Variants in PTBP3 observed in about 807,000 individuals in gnomAD.
The protein encoded by PTBP3 is polypyrimidine tract binding protein 3.
PTBP3 carries 20 observed loss-of-function variants against 58.7 expected under a neutral mutation model. The ratio of observed to expected loss-of-function variants is 0.34; its 90% CI spans 0.24 to 0.50. The LOEUF is 0.50. Ranked by LOEUF, PTBP3 falls within the 20% of genes least tolerant of loss-of-function variation. PTBP3 has a pLI of 0.98. For synonymous variants in PTBP3, 185 were observed against 219.8 expected, an observed-to-expected ratio of 0.84 and a Z score of 1.40; for missense variants, 509 against 637.2, an observed-to-expected ratio of 0.80 and a Z score of 2.17.
intron 7 of PTBP3, among the ~76,000 whole-genome samples, chr9:112,237,295 T>C (rs1564395910): frequency 6.6e-6 from 1 of 152,192 alleles, no homozygotes; most frequent in Non-Finnish European, 1.5e-5. Context: ...AGTAACCTGT[T>C]AGACAGTGGA....
intron 7 of PTBP3, among the ~76,000 whole-genome samples, chr9:112,238,167 C>A (rs1023384272): frequency 6.6e-6 from 1 of 151,858 alleles, no homozygotes; most frequent in South Asian, 2.1e-4. Flanking sequence ...TGCAAAAAAT[C>A]TGAGATACTA....
chr9:112,268,341 C>T, intron 3 of PTBP3, 146 bp from the exon 4 acceptor site: 1 of 745,606 alleles, frequency 1.3e-6, no homozygotes, highest in East Asian at 3.1e-5. Context: ...CAAAAAAACA[C>T]CTTTGCTTCA....
chr9:112,220,752 A>T lies in PTBP3; in HGVS notation c.*3099T>A, dbSNP rs1257370481. On this transcript the variant is annotated 3_prime_UTR_variant, in exon 14 of 14. Coordinates refer to ENST00000374257, the MANE Select transcript of PTBP3 (RefSeq NM_001163788.4). ...TGCAAATTATTCAAATCTCAAAGTA[A>T]ATCATTTTGGTGTAATTCGCTACTG... The T allele has an allele frequency of 3.0e-6, 3 of 983,612 alleles. No homozygotes were observed. The highest frequency in any genetic ancestry group is 3.6e-6 in the Non-Finnish European group (3 of 828,288). 60.9% of individuals were successfully genotyped at this position (983,612 alleles called of 1,614,324 possible).
chr9:112,268,252 A>G (rs1282570697), intron 3 of PTBP3, 57 bp from the exon 4 acceptor site: 8 of 1,547,494 alleles, frequency 5.2e-6, no homozygotes, highest in Non-Finnish European at 5.2e-6. Flanking sequence ...GACAGTTAAG[A>G]TATATTTTGC....
chr9:112,311,085 C>T (rs750554268), intron 1 of PTBP3, among the ~76,000 whole-genome samples: 2 of 152,068 alleles, frequency 1.3e-5, no homozygotes, highest in Non-Finnish European at 2.9e-5. Context: ...ACTCTGGCTG[C>T]TGTGTTAAGA....
chr9:112,234,987 A>T, intron 7 of PTBP3, 90 bp from the exon 8 acceptor site: 1 of 1,043,860 alleles, frequency 9.6e-7, no homozygotes, highest in Non-Finnish European at 1.4e-6. Context: ...AAAGTATATT[A>T]CTAACAAAGA....
the PTBP3 span, among the ~76,000 whole-genome samples, chr9:112,379,523 TA>T: frequency 6.6e-6 from 1 of 152,234 alleles, no homozygotes; most frequent in Non-Finnish European, 1.5e-5. Flanking sequence ...GCTGGCGCCT[TA>T]ACACAAGCTA....
the PTBP3 span, among the ~76,000 whole-genome samples, chr9:112,357,029 G>A: frequency 1.0e-3 from 157 of 151,856 alleles, 1 homozygote; most frequent in African/African-American, 3.7e-3. Context: ...ATAGGCACCC[G>A]CCACCACACC....
chr9:112,282,090 C>T (rs1289304145), intron 2 of PTBP3, among the ~76,000 whole-genome samples: 7 of 152,156 alleles, frequency 4.6e-5, no homozygotes, highest in Admixed American at 2.0e-4. Flanking sequence ...GAGGGCACCA[C>T]CCACCTTCAT....
intron 2 of PTBP3, among the ~76,000 whole-genome samples, chr9:112,293,094 C>A (rs1353680433): frequency 1.3e-5 from 2 of 152,124 alleles, no homozygotes; most frequent in Admixed American, 6.5e-5. Context: ...GTTACTCTCA[C>A]AAACATAATG....
intron 5 of PTBP3, among the ~76,000 whole-genome samples, chr9:112,256,272 AATATATATATATATATATATAC>A (rs1451439006): frequency 1.2e-5 from 1 of 82,964 alleles, no homozygotes; most frequent in Non-Finnish European, 2.1e-5. Context: ...AAAAAAACAA[AATATATATATATATATATATAC>A]ATATATATAT....
rs767822971 is a variant in PTBP3, at chr9:112,250,949, G to T, written c.782C>A (p.Pro261His). Reference sequence around the variant, plus strand: ...CTCACCAAAAGCAGCAGCCATAGGGGGTTCAAGGGATGGCTGGCCATCACC... The same window carrying T: ...CTCACCAAAAGCAGCAGCCATAGGGTGTTCAAGGGATGGCTGGCCATCACC... The part of the protein sequence containing the change: ...PTGDGQPSLE[P>H]PMAAAFGAPG... The change falls in exon 7 of 14, where the codon CCC (proline) becomes CAC (histidine). Residue 261 changes from proline (P) to histidine (H), a missense_variant. By Grantham distance (77) the Pro-to-His change is moderately conservative (BLOSUM62 -2). Around this residue, in one of 4 missense-constraint regions of PTBP3, gnomAD observed 121 missense variants for 114.8 expected, o/e 1.05. Transcript: ENST00000374257. 73 of 1,603,740 alleles carry T rather than the reference G, an allele frequency of 4.6e-5. No individual in the cohort carries two copies. Among genetic ancestry groups the T allele is most frequent in the Non-Finnish European group, 5.9e-5 (69 of 1,175,312 alleles).
chr9:112,333,731 C>T (rs1399363144), upstream of PTBP3: 1 of 361,418 alleles, frequency 2.8e-6, no homozygotes, highest in Non-Finnish European at 4.9e-6. Context: ...CGTCCCCGCC[C>T]TCCCTCGGGG....
the PTBP3 span, among the ~76,000 whole-genome samples, chr9:112,378,704 C>T: frequency 6.6e-6 from 1 of 152,236 alleles, no homozygotes; most frequent in African/African-American, 2.4e-5. Context: ...TCATACCTCC[C>T]ATAGGCAGAG....
At chr9:112,378,452 G>A in the PTBP3 span, among the ~76,000 whole-genome samples, 16 of 152,340 alleles carry the variant, frequency 1.1e-4, no homozygotes, top group Non-Finnish European at 2.1e-4. Context: ...ACAAATTCAA[G>A]AAAGGAGGCT....
rs1402712300 is a variant in PTBP3 at position 112,220,172 on chromosome 9, T to C, written c.*3679A>G. 2 of 1,332,698 alleles carry C rather than the reference T, an allele frequency of 1.5e-6. No individual in the cohort carries two copies. Among genetic ancestry groups the C allele is most frequent in the Non-Finnish European group, 2.0e-6 (2 of 1,012,390 alleles). The allele number at this position is 1,332,698 out of a possible 1,614,324, so 82.6% of individuals were successfully genotyped here. A position where few individuals can be genotyped will look rare whatever the true frequency, so the allele number is the denominator to read the frequency against. On this transcript the variant is annotated 3_prime_UTR_variant, in exon 14 of 14. Transcript: ENST00000374257. ...GTGGGGAAAAACACATGTACTTTTG[T>C]CAATTTTTTGTCCAAAAATATCTCG...
intron 2 of PTBP3, among the ~76,000 whole-genome samples, chr9:112,293,037 T>C (rs1447781994): frequency 3.3e-5 from 5 of 152,012 alleles, no homozygotes; most frequent in African/African-American, 9.6e-5. Context: ...TAAAATACTA[T>C]ATAGAAATGA....
intron 4 of PTBP3, among the ~76,000 whole-genome samples, chr9:112,263,129 T>C (rs1410573825): frequency 2.0e-5 from 3 of 152,182 alleles, no homozygotes; most frequent in Admixed American, 2.0e-4. Context: ...GTTCAAAGAA[T>C]GATAGGGATA....
chr9:112,221,955 T>C lies in PTBP3; in HGVS notation c.*1896A>G. On this transcript the variant is annotated 3_prime_UTR_variant, in exon 14 of 14. Transcript: ENST00000374257. ...GTCACACTATGTTCCAGGGCTGGAG[T>C]GAAGTGGCTATTCACAAATGTGATC... The C allele has an allele frequency of 1.1e-6, 1 of 933,720 alleles. No homozygotes were observed. The allele number at this position is 933,720 out of a possible 1,614,324, so 57.8% of individuals were successfully genotyped here. A position where few individuals can be genotyped will look rare whatever the true frequency, so the allele number is the denominator to read the frequency against.
Sources: allele counts gnomAD v4.1 joint callset (sites outside exome capture counted in the v4.1 genomes callset), GRCh38; gene constraint gnomAD v4.1.1; regional missense constraint gnomAD v4.1.1; transcripts MANE v1.5; gene names NCBI Gene and HGNC (gene_info 2026-07-23, HGNC 2026-07-21).